Variants in COL21A1 observed in about 807,000 individuals in gnomAD.
COL21A1 encodes collagen alpha-1(XXI) chain.
Under a neutral mutation model 137.9 loss-of-function variants are expected in COL21A1, and 149 were observed. The ratio of observed to expected loss-of-function variants is 1.08; its 90% confidence interval spans 0.95 to 1.24. COL21A1 has a LOEUF of 1.24. Ranked by LOEUF, COL21A1 falls within the 50% of genes most tolerant of loss-of-function variation. The pLI is 0.00. For synonymous variants in COL21A1, 456 were observed against 391.5 expected (o/e 1.16, Z -1.95); for missense variants, 1,167 against 1,158.4 (o/e 1.01, Z -0.11).
chr6:56,367,129 C>T (rs1333914838), intron 1 of COL21A1, among the ~76,000 whole-genome samples: 4 of 152,100 alleles, frequency 2.6e-5, no homozygotes, highest in Admixed American at 6.5e-5. Flanking sequence ...TAGTTAAAAT[C>T]AACTTTAAAA....
chr6:56,310,333 T>C (rs1052138350), intron 1 of COL21A1, among the ~76,000 whole-genome samples: 2 of 152,128 alleles, frequency 1.3e-5, no homozygotes, highest in Non-Finnish European at 1.5e-5. Context: ...CAGCCGCACA[T>C]TGGAACCTAC....
intron 16 of COL21A1, among the ~76,000 whole-genome samples, chr6:56,105,766 T>C (rs1770832515): frequency 6.6e-6 from 1 of 152,236 alleles, no homozygotes; most frequent in Non-Finnish European, 1.5e-5. Flanking sequence ...AGAAAATACA[T>C]GTACAGTGCT....
At chr6:56,317,914 G>A (rs868397629) in intron 1 of COL21A1, among the ~76,000 whole-genome samples, 32 of 152,042 alleles carry the variant, frequency 2.1e-4, no homozygotes, top group African/African-American at 6.7e-4. Context: ...ATTTTTAAGC[G>A]TGTTTTTAAT....
chr6:56,343,253 A>G (rs1765510503), intron 1 of COL21A1, among the ~76,000 whole-genome samples: 1 of 152,130 alleles, frequency 6.6e-6, no homozygotes, highest in South Asian at 2.1e-4. Context: ...AAGATCCACA[A>G]AAAAGCTTAC....
chr6:56,219,261 G>A (rs541753263), intron 1 of COL21A1, among the ~76,000 whole-genome samples: 2 of 148,334 alleles, frequency 1.3e-5, no homozygotes, highest in South Asian at 4.3e-4. Flanking sequence ...CTGTTTGGTG[G>A]TCTGCTGTCG....
At chr6:56,266,289 T>C (rs1056405808) in intron 1 of COL21A1, among the ~76,000 whole-genome samples, 10 of 152,230 alleles carry the variant, frequency 6.6e-5, no homozygotes, top group Admixed American at 2.0e-4. Context: ...TACTGAACGT[T>C]CTAGACAAGG....
chr6:56,344,973 T>C (rs747106728), intron 1 of COL21A1, among the ~76,000 whole-genome samples: 7 of 152,184 alleles, frequency 4.6e-5, no homozygotes, highest in Non-Finnish European at 1.0e-4. Flanking sequence ...ACGTAGTTCT[T>C]TACAGCAATG....
chr6:56,080,635 G>T (rs762487619), intron 17 of COL21A1, among the ~76,000 whole-genome samples: 5 of 151,616 alleles, frequency 3.3e-5, no homozygotes, highest in Non-Finnish European at 7.4e-5. Flanking sequence ...GATCAAATTT[G>T]CTTTTAAGTA....
chr6:56,164,635 T>G, intron 8 of COL21A1, 129 bp from the exon 9 acceptor site: 2 of 884,308 alleles, frequency 2.3e-6, no homozygotes, highest in Non-Finnish European at 3.5e-6. Context: ...TCAAATTTTA[T>G]CTAACCCAAC....
chr6:56,224,194 A>C (rs1781050270), intron 1 of COL21A1, among the ~76,000 whole-genome samples: 1 of 152,112 alleles, frequency 6.6e-6, no homozygotes, highest in Admixed American at 6.6e-5. Flanking sequence ...GGGAAAAAGC[A>C]ACCAATGCAA....
At chr6:56,151,684 G>T (rs1238689647) in intron 10 of COL21A1, among the ~76,000 whole-genome samples, 1 of 152,202 alleles carries the variant, frequency 6.6e-6, no homozygotes, top group African/African-American at 2.4e-5. Flanking sequence ...AGCTTATTGA[G>T]GGGGGTTGCA....
chr6:56,135,356 C>T (rs1405967349), intron 12 of COL21A1, among the ~76,000 whole-genome samples: 2 of 151,848 alleles, frequency 1.3e-5, no homozygotes, highest in Admixed American at 6.6e-5. Flanking sequence ...GCCCCCAAAT[C>T]GCATGTCAAG....
At chr6:56,184,299 C>T (rs1778117985) in intron 1 of COL21A1, among the ~76,000 whole-genome samples, 1 of 152,026 alleles carries the variant, frequency 6.6e-6, no homozygotes, top group African/African-American at 2.4e-5. Flanking sequence ...AAAAGTGATA[C>T]ATTACCTACA....
chr6:56,336,395 CTAAT>C (rs796797026), intron 1 of COL21A1, among the ~76,000 whole-genome samples: 3 of 152,196 alleles, frequency 2.0e-5, no homozygotes, highest in African/African-American at 7.2e-5. Context: ...TATTTTTAAT[CTAAT>C]TAGTCTATGT....
At chr6:56,173,325 C>G (rs1416567888) in intron 3 of COL21A1, among the ~76,000 whole-genome samples, 1 of 150,634 alleles carries the variant, frequency 6.6e-6, no homozygotes, top group African/African-American at 2.4e-5. Flanking sequence ...CTGCAGTGAG[C>G]TATGATCATG....
At chr6:56,069,266 G>C (rs1328513802) in intron 21 of COL21A1, 149 bp from the exon 22 acceptor site, 11 of 445,752 alleles carry the variant, frequency 2.5e-5, no homozygotes, top group Admixed American at 1.8e-4. Flanking sequence ...AGAATAAAAT[G>C]TTTACTAGAA....
chr6:56,344,176 A>G (rs1765535907), intron 1 of COL21A1, among the ~76,000 whole-genome samples: 1 of 152,198 alleles, frequency 6.6e-6, no homozygotes, highest in Non-Finnish European at 1.5e-5. Flanking sequence ...CGCTAACATA[A>G]AGCAACTGAA....
intron 9 of COL21A1, 79 bp from the exon 10 acceptor site, chr6:56,157,028 AC>A: frequency 1.1e-6 from 1 of 943,856 alleles, no homozygotes; most frequent in South Asian, 1.6e-5. Flanking sequence ...AAAGTTCAAA[AC>A]CAATTCCATT....
At chr6:56,111,041 A>T (rs1257763408) in intron 16 of COL21A1, among the ~76,000 whole-genome samples, 2 of 152,116 alleles carry the variant, frequency 1.3e-5, no homozygotes, top group African/African-American at 4.8e-5. Context: ...AAGCTTGTAA[A>T]TACTATAAAA....
Sources: gnomAD v4.1 joint callset for allele counts (sites outside exome capture counted in the v4.1 genomes callset) on GRCh38, gnomAD v4.1.1 for gene constraint, MANE v1.5 for transcripts, NCBI Gene and HGNC (gene_info 2026-07-23, HGNC 2026-07-21) for gene names.